Variants in CDH23 observed in about 807,000 individuals in gnomAD.
CDH23 encodes cadherin-23.
A neutral mutation model predicts 317.1 loss-of-function variants in CDH23; 189 were observed. The observed-to-expected ratio is 0.60, with a 90% confidence interval of 0.53 to 0.67. The LOEUF (loss-of-function observed/expected upper bound fraction) is 0.67. CDH23 is among the 30% of genes least tolerant of loss of function. The pLI is 0.00. For synonymous variants in CDH23, 1,839 were observed against 1,876.8 expected, an observed-to-expected ratio of 0.98 and a Z score of 0.52; for missense variants, 4,401 against 4,592.4, an observed-to-expected ratio of 0.96 and a Z score of 1.20.
intron 18 of CDH23, among the ~76,000 whole-genome samples, chr10:71,685,679 C>T (rs868433300): frequency 1.1e-4 from 17 of 152,328 alleles, no homozygotes; most frequent in Middle Eastern, 6.8e-3. Flanking sequence ...ACTTCCCTTC[C>T]GAGTACACCC....
chr10:71,689,822 G>A (rs1046237618), intron 19 of CDH23, among the ~76,000 whole-genome samples: 3 of 152,202 alleles, frequency 2.0e-5, no homozygotes, highest in African/African-American at 7.2e-5. Context: ...CCAGGAACCT[G>A]TGCACCGGAC....
chr10:71,626,783 T>C (rs141295859), intron 11 of CDH23, among the ~76,000 whole-genome samples: 134 of 152,282 alleles, frequency 8.8e-4, no homozygotes, highest in South Asian at 8.5e-3. Context: ...GACCCTTCTT[T>C]CTCCTCCATG....
At chr10:71,582,846 G>A (rs1382478243) in intron 9 of CDH23, among the ~76,000 whole-genome samples, 2 of 152,226 alleles carry the variant, frequency 1.3e-5, no homozygotes, top group Admixed American at 6.5e-5. Context: ...GGAACCTGCA[G>A]TTTGGTCAGG....
At chr10:71,441,929 T>C (rs1849907617) in intron 2 of CDH23, among the ~76,000 whole-genome samples, 3 of 152,198 alleles carry the variant, frequency 2.0e-5, no homozygotes, top group Non-Finnish European at 4.4e-5. Context: ...AAGGGGTCCC[T>C]TGGGCGAGTG....
At chr10:71,587,039 C>G (rs1477531420) in intron 9 of CDH23, among the ~76,000 whole-genome samples, 2 of 152,208 alleles carry the variant, frequency 1.3e-5, no homozygotes, top group Non-Finnish European at 2.9e-5. Context: ...CAAGAGTTTG[C>G]CTTCAGCTAC....
At chr10:71,469,425 T>A (rs1013702126) in intron 3 of CDH23, among the ~76,000 whole-genome samples, 2 of 152,232 alleles carry the variant, frequency 1.3e-5, no homozygotes, top group Admixed American at 1.3e-4. Flanking sequence ...CTTCTTCCAC[T>A]TAGCGTAATT....
At position 71,798,390 on chromosome 10, in the gene CDH23, A is replaced by G. The variant is rs876657756; in HGVS notation, c.6866A>G (p.Asn2289Ser). 1 of 1,613,978 alleles carries G rather than the reference A, an allele frequency of 6.2e-7. No homozygotes were observed. Among genetic ancestry groups the G allele is most frequent in the Non-Finnish European group, 8.5e-7 (1 of 1,179,864 alleles). ...LTVNVLDVND[N>S]TPQFKPFGIT... ...GTCAACGTCCTGGACGTCAATGACA[A>G]TACGCCCCAGTTCAAGCCCTTTGGG... The change falls in exon 50 of 70, where the codon AAT becomes AGT. Residue 2289 changes from asparagine to serine, a missense_variant. Transcript: ENST00000224721.
At chr10:71,466,221 AGT>A (rs1292720815) in intron 3 of CDH23, among the ~76,000 whole-genome samples, 1 of 152,034 alleles carries the variant, frequency 6.6e-6, no homozygotes, top group African/African-American at 2.4e-5. Flanking sequence ...GAGCATGTGA[AGT>A]GTGTCCCTGT....
intron 9 of CDH23, among the ~76,000 whole-genome samples, chr10:71,609,372 T>G (rs577623784): frequency 6.6e-6 from 1 of 151,540 alleles, no homozygotes; most frequent in African/African-American, 2.4e-5. Context: ...GCCCTCTAGC[T>G]GCCACTCAGC....
intron 1 of CDH23, among the ~76,000 whole-genome samples, chr10:71,401,532 T>G (rs1847781871): frequency 6.6e-6 from 1 of 152,228 alleles, no homozygotes; most frequent in South Asian, 2.1e-4. Flanking sequence ...TAACTCTTCA[T>G]GGTGGTACTT....
intron 68 of CDH23, 22 bp from the exon 69 acceptor site, chr10:71,813,222 G>C: frequency 6.5e-7 from 1 of 1,548,932 alleles, no homozygotes; most frequent in African/African-American, 1.4e-5. Context: ...CTTGGTGGGG[G>C]TTAACCCTTT....
chr10:71,690,693 G>C (rs1454330903), intron 20 of CDH23, 109 bp downstream of exon 20: 2 of 718,974 alleles, frequency 2.8e-6, no homozygotes, highest in Admixed American at 2.2e-5. Flanking sequence ...TTTCAGTTTT[G>C]AGCAGACCAG....
rs185013085 is a variant in CDH23, at chr10:71,754,097, G to A, written c.4845+12176G>A. On this transcript the variant is annotated intron_variant, in intron 38 of 69. Transcript: ENST00000224721. The stretch of plus-strand genomic sequence containing the variant: ...CCTGAGAGTGCCTCATTCCTGAGCA[G>A]GCTCTCTGGGCCAGCCTTCCACCAG... Among the ~76,000 whole-genome samples the A allele has an allele frequency of 4.6e-5, 7 of 152,324 alleles. No homozygotes were observed. In the East Asian group the frequency reaches 1.4e-3, roughly 29 times the overall value.
In CDH23 at chr10:71,784,381, C is replaced by A. The variant is rs752519364; in HGVS notation, c.5463C>A (p.Ile1821=). The change falls in exon 42 of 70, where the codon ATC becomes ATA. Residue 1821 remains isoleucine, a synonymous_variant. Coordinates refer to ENST00000224721, the MANE Select transcript of CDH23 (RefSeq NM_022124.6). ...RETIAFYNLT[I]CARDRGMPPL... is the part of the protein sequence containing the mutation. ...CCATCGCCTTCTACAACCTGACCAT[C>A]TGTGCCCGTGACCGGGGGATGCCCC... 6.2e-7 allele frequency: 1 copy of A among 1,613,952 alleles called. No homozygotes were observed. Among genetic ancestry groups the A allele is most frequent in the Non-Finnish European group, 8.5e-7 (1 of 1,179,822 alleles).
At chr10:71,427,154 C>CAA (rs754534481) in intron 1 of CDH23, among the ~76,000 whole-genome samples, 1 of 64,296 alleles carries the variant, frequency 1.6e-5, no homozygotes. Context: ...GACCCTGTCT[C>CAA]AAAAAAAAAA....
chr10:71,400,524 G>A (rs1474074635), intron 1 of CDH23, among the ~76,000 whole-genome samples: 2 of 152,034 alleles, frequency 1.3e-5, no homozygotes, highest in African/African-American at 4.8e-5. Context: ...GTTAGGCTGG[G>A]TGCAGTGGCT....
intron 3 of CDH23, among the ~76,000 whole-genome samples, chr10:71,460,962 C>T (rs1267270799): frequency 1.3e-5 from 2 of 152,246 alleles, no homozygotes; most frequent in African/African-American, 2.4e-5. Flanking sequence ...GACACCACCT[C>T]TGCATATTCC....
At chr10:71,668,623 T>G (rs1864011109) in intron 14 of CDH23, among the ~76,000 whole-genome samples, 1 of 152,236 alleles carries the variant, frequency 6.6e-6, no homozygotes, top group Non-Finnish European at 1.5e-5. Flanking sequence ...TTGGGAAGAC[T>G]GAATGAAATA....
At chr10:71,630,212 G>A (rs568558156) in intron 11 of CDH23, among the ~76,000 whole-genome samples, 52 of 152,134 alleles carry the variant, frequency 3.4e-4, no homozygotes, top group Admixed American at 1.1e-3. Flanking sequence ...TGTAGAGATG[G>A]GGCCTCACTA....
Sources: gnomAD v4.1 joint callset for allele counts (sites outside exome capture counted in the v4.1 genomes callset) on GRCh38, gnomAD v4.1.1 for gene constraint, MANE v1.5 for transcripts, NCBI Gene and HGNC (gene_info 2026-07-23, HGNC 2026-07-21) for gene names.